The following PDE1C variants were observed in gnomAD, a reference collection of about 807,000 sequenced individuals.
PDE1C encodes the protein dual specificity calcium/calmodulin-dependent 3',5'-cyclic nucleotide phosphodiesterase 1C.
PDE1C carries 62 observed loss-of-function variants against 93.1 expected under a neutral mutation model. The observed-to-expected ratio is 0.67, with a 90% confidence interval of 0.54 to 0.82. PDE1C has a LOEUF of 0.82. PDE1C is among the 40% of genes least tolerant of loss of function. PDE1C has a pLI of 0.00. For synonymous variants in PDE1C, 325 were observed against 310.1 expected (o/e 1.05, Z -0.50); for missense variants, 742 against 884.6 (o/e 0.84, Z 2.04).
At chr7:32,393,291 C>A (rs215726) in intron 1 of PDE1C, among the ~76,000 whole-genome samples, 151,223 of 152,240 alleles carry the variant, frequency 0.99, 75,115 homozygotes, top group Middle Eastern at 1. Flanking sequence ...AAAAGCATTC[C>A]AGATTGGAAA....
chr7:32,267,561 T>TTCTCTCTCTC (rs763148981), intron 1 of PDE1C, among the ~76,000 whole-genome samples: 1 of 131,894 alleles, frequency 7.6e-6, no homozygotes, highest in African/African-American at 3.0e-5. Flanking sequence ...TGCAGCCTCT[T>TTCTCTCTCTC]TCTCTCTCTC....
At chr7:32,284,800 A>C (rs908836234) in intron 1 of PDE1C, among the ~76,000 whole-genome samples, 13 of 152,194 alleles carry the variant, frequency 8.5e-5, no homozygotes, top group Admixed American at 8.5e-4. Context: ...TGGGAGGCTG[A>C]AGCGGGCAGA....
intron 2 of PDE1C, among the ~76,000 whole-genome samples, chr7:32,024,429 G>A (rs1401264585): frequency 1.3e-5 from 2 of 151,340 alleles, no homozygotes; most frequent in Non-Finnish European, 2.9e-5. Flanking sequence ...GTATGTATAA[G>A]AGAGCTCATT....
chr7:31,957,781 C>T (rs765015979), intron 2 of PDE1C, among the ~76,000 whole-genome samples: 18 of 151,904 alleles, frequency 1.2e-4, no homozygotes, highest in Admixed American at 5.9e-4. Flanking sequence ...GGAATGGGGT[C>T]GGGAGGGTGT....
the PDE1C span, among the ~76,000 whole-genome samples, chr7:31,734,325 G>T: frequency 3.9e-5 from 6 of 152,212 alleles, no homozygotes; most frequent in African/African-American, 1.4e-4. Context: ...CAGAAAAGGG[G>T]CCCCAGAGGT....
At chr7:32,047,104 C>T (rs1339582633) in intron 2 of PDE1C, among the ~76,000 whole-genome samples, 1 of 148,784 alleles carries the variant, frequency 6.7e-6, no homozygotes, top group African/African-American at 2.6e-5. Context: ...GGAAGCACCT[C>T]TATCATAGAT....
chr7:31,824,341 G>A (rs759498686), intron 13 of PDE1C, among the ~76,000 whole-genome samples: 2 of 152,066 alleles, frequency 1.3e-5, no homozygotes, highest in Non-Finnish European at 2.9e-5. Flanking sequence ...TTTCTCAGAT[G>A]GGGGAAGTGA....
intron 2 of PDE1C, among the ~76,000 whole-genome samples, chr7:31,900,781 A>T (rs1023624037): frequency 3.3e-5 from 5 of 151,926 alleles, no homozygotes; most frequent in Admixed American, 1.3e-4. Flanking sequence ...TTTCAGCTTT[A>T]AAAATCTAAA....
At chr7:31,654,798 G>A in the PDE1C span, among the ~76,000 whole-genome samples, 2 of 152,102 alleles carry the variant, frequency 1.3e-5, no homozygotes, top group African/African-American at 4.8e-5. Context: ...TCAAAGGAGA[G>A]GTCACTTCTT....
intron 3 of PDE1C, among the ~76,000 whole-genome samples, chr7:32,157,411 G>T (rs919052343): frequency 2.6e-5 from 4 of 152,078 alleles, no homozygotes; most frequent in Non-Finnish European, 5.9e-5. Context: ...ATTGTACATT[G>T]TATACCTGTA....
intron 1 of PDE1C, among the ~76,000 whole-genome samples, chr7:32,289,116 G>A (rs1020186156): frequency 5.3e-5 from 8 of 152,172 alleles, no homozygotes; most frequent in Non-Finnish European, 8.8e-5. Flanking sequence ...TAAAAAAAGA[G>A]GTCAGAGGCC....
chr7:32,128,934 TATATATATATATATATATAAAG>T (rs1398549947), intron 3 of PDE1C, among the ~76,000 whole-genome samples: 3 of 94,152 alleles, frequency 3.2e-5, no homozygotes, highest in African/African-American at 9.7e-5. Flanking sequence ...TATATATATA[TATATATATATATATATATAAAG>T]AAAAATCTAA....
At chr7:31,770,639 G>A (rs1441859185) in intron 17 of PDE1C, among the ~76,000 whole-genome samples, 3 of 152,066 alleles carry the variant, frequency 2.0e-5, no homozygotes, top group Non-Finnish European at 4.4e-5. Flanking sequence ...AGCCTCCCAA[G>A]TAGTGGGATT....
intron 1 of PDE1C, among the ~76,000 whole-genome samples, chr7:32,295,715 C>T (rs1050579949): frequency 3.9e-5 from 6 of 151,912 alleles, no homozygotes; most frequent in African/African-American, 1.5e-4. Flanking sequence ...CACACTGAAA[C>T]CCCACCTCTA....
intron 17 of PDE1C, among the ~76,000 whole-genome samples, chr7:31,767,465 T>G (rs1284287121): frequency 6.6e-6 from 1 of 152,232 alleles, no homozygotes; most frequent in African/African-American, 2.4e-5. Flanking sequence ...TATGAAGTGC[T>G]GGCTCCCCCT....
At chr7:31,658,265 T>C in the PDE1C span, 3 of 1,503,240 alleles carry the variant, frequency 2.0e-6, no homozygotes, top group East Asian at 2.5e-5. Context: ...ACATATTCTC[T>C]TATAGGTGAA....
chr7:31,837,788 G>T, intron 10 of PDE1C, 82 bp downstream of exon 10: 1 of 837,402 alleles, frequency 1.2e-6, no homozygotes, highest in Non-Finnish European at 2.0e-6. Context: ...TAAAGGAGAT[G>T]CTCTTTAAAG....
At chr7:32,132,116 G>A (rs912194240) in intron 3 of PDE1C, among the ~76,000 whole-genome samples, 2 of 152,086 alleles carry the variant, frequency 1.3e-5, no homozygotes, top group South Asian at 2.1e-4. Context: ...GATGACTTAG[G>A]TAAAGGGTGC....
At chr7:31,772,104 C>T (rs1041553089) in intron 17 of PDE1C, among the ~76,000 whole-genome samples, 1 of 151,850 alleles carries the variant, frequency 6.6e-6, no homozygotes, top group Non-Finnish European at 1.5e-5. Flanking sequence ...TCTCGCCTGC[C>T]TAGAGTTTTG....
Sources: allele counts gnomAD v4.1 joint callset (sites outside exome capture counted in the v4.1 genomes callset), GRCh38; gene constraint gnomAD v4.1.1; transcripts MANE v1.5; gene names NCBI Gene and HGNC (gene_info 2026-07-23, HGNC 2026-07-21).